VSNL1: variants seen among roughly 807,000 people sequenced by gnomAD.
The protein encoded by VSNL1 is visinin-like protein 1.
VSNL1 carries 6 observed loss-of-function variants against 20.4 expected under a neutral mutation model. That is an observed-to-expected ratio of 0.29 (90% CI 0.16 to 0.58). VSNL1 has a LOEUF of 0.58. Ranked by LOEUF, VSNL1 falls within the 20% of genes least tolerant of loss-of-function variation. The probability of loss-of-function intolerance (pLI) is 0.90; values close to 1 mark genes in which losing one functional copy is unlikely to be tolerated. For missense variants in VSNL1, 100 were observed against 234.5 expected (o/e 0.43, Z 3.75); for synonymous variants, 93 against 86.4 (o/e 1.08, Z -0.42).
intron 2 of VSNL1, among the ~76,000 whole-genome samples, chr2:17,617,305 G>A (rs1042735205): frequency 1.3e-5 from 2 of 152,102 alleles, no homozygotes; most frequent in Non-Finnish European, 2.9e-5. Context: ...GATCAGCCTG[G>A]CCAACTTGGA....
At chr2:17,637,374 C>T (rs924112473) in intron 2 of VSNL1, among the ~76,000 whole-genome samples, 1 of 152,232 alleles carries the variant, frequency 6.6e-6, no homozygotes, top group Non-Finnish European at 1.5e-5. Flanking sequence ...GCAGAGTCTC[C>T]TCAGCCCCAG....
chr2:17,615,958 A>G (rs1236130884), intron 2 of VSNL1, among the ~76,000 whole-genome samples: 1 of 152,242 alleles, frequency 6.6e-6, no homozygotes, highest in Non-Finnish European at 1.5e-5. Context: ...TAGTCCAATT[A>G]TCATCTATTT....
chr2:17,619,491 C>T (rs1177277352), intron 2 of VSNL1, among the ~76,000 whole-genome samples: 3 of 152,162 alleles, frequency 2.0e-5, no homozygotes, highest in South Asian at 2.1e-4. Context: ...AAATGCGAAA[C>T]TTCAGACTCA....
At chr2:17,616,792 G>C (rs957187245) in intron 2 of VSNL1, among the ~76,000 whole-genome samples, 1 of 152,220 alleles carries the variant, frequency 6.6e-6, no homozygotes, top group African/African-American at 2.4e-5. Context: ...GAGCTATACA[G>C]CCCCAGAAGA....
In VSNL1 at chr2:17,577,079, T is replaced by C. The variant is rs546538314; in HGVS notation, c.-5-14991T>C. 8.9e-4 allele frequency among the ~76,000 whole-genome samples: 135 copies of C among 152,344 alleles called. 1 individual carries two copies. Among genetic ancestry groups the C allele is most frequent in the African/African-American group, 3.1e-3 (129 of 41,572 alleles). Reference sequence around the variant, plus strand: ...TACAGCAGGTTACTGTACTGAGTACTGTAGGCAATTGTAACACAATAGTAT... The same window carrying C: ...TACAGCAGGTTACTGTACTGAGTACCGTAGGCAATTGTAACACAATAGTAT... On this transcript the variant is annotated intron_variant, in intron 1 of 3. Coordinates refer to ENST00000295156, the MANE Select transcript of VSNL1 (RefSeq NM_003385.5).
chr2:17,619,325 G>A (rs180840495), intron 2 of VSNL1, among the ~76,000 whole-genome samples: 2 of 152,262 alleles, frequency 1.3e-5, no homozygotes, highest in Admixed American at 1.3e-4. Context: ...TAGAGAGCGG[G>A]CAATCTTGGT....
intron 2 of VSNL1, among the ~76,000 whole-genome samples, chr2:17,596,127 T>C (rs932358463): frequency 1.3e-5 from 2 of 152,200 alleles, no homozygotes; most frequent in African/African-American, 4.8e-5. Flanking sequence ...ATGAATATAA[T>C]TCTTATTCCT....
chr2:17,541,558 TC>T (rs1663285253), intron 1 of VSNL1: 2 of 152,224 alleles, frequency 1.3e-5, no homozygotes, highest in African/African-American at 2.4e-5. Flanking sequence ...TACTGCACTG[TC>T]GATTTTGAAC....
chr2:17,638,597 G>A (rs979035746), intron 2 of VSNL1, among the ~76,000 whole-genome samples: 2 of 152,192 alleles, frequency 1.3e-5, no homozygotes, highest in African/African-American at 4.8e-5. Flanking sequence ...TACAGGACAC[G>A]ATTAGAAAGT....
intron 2 of VSNL1, among the ~76,000 whole-genome samples, chr2:17,620,979 T>C (rs1442546192): frequency 6.6e-6 from 1 of 152,216 alleles, no homozygotes; most frequent in African/African-American, 2.4e-5. Flanking sequence ...ATTTGTGTAA[T>C]CAAATGCTGA....
intron 2 of VSNL1, among the ~76,000 whole-genome samples, chr2:17,611,930 T>TG (rs1665099546): frequency 6.6e-6 from 1 of 152,268 alleles, no homozygotes; most frequent in Admixed American, 6.5e-5. Context: ...TTTTAGGGCC[T>TG]GTTCAGGGGA....
intron 2 of VSNL1, among the ~76,000 whole-genome samples, chr2:17,622,545 AAAGAAAGAAAGAAAGAAAGAAAG>A (rs1665396907): frequency 3.5e-4 from 23 of 64,960 alleles, no homozygotes; most frequent in Non-Finnish European, 6.4e-4. Flanking sequence ...AGAAAGAAAG[AAAGAAAGAAAGAAAGAAAGAAAG>A]AAAGAAAGAA....
chr2:17,643,984 C>G (rs921911824), intron 2 of VSNL1, among the ~76,000 whole-genome samples: 1 of 152,166 alleles, frequency 6.6e-6, no homozygotes, highest in African/African-American at 2.4e-5. Context: ...GAAACAGTCT[C>G]GTTCCTTCTT....
chr2:17,599,182 T>G (rs924226243), intron 2 of VSNL1, among the ~76,000 whole-genome samples: 5 of 152,038 alleles, frequency 3.3e-5, no homozygotes, highest in East Asian at 3.9e-4. Context: ...AATACATATA[T>G]GAACAGCTAT....
chr2:17,575,962 T>C (rs1385344397), intron 1 of VSNL1, among the ~76,000 whole-genome samples: 1 of 151,934 alleles, frequency 6.6e-6, no homozygotes, highest in Non-Finnish European at 1.5e-5. Flanking sequence ...AATATGCTTA[T>C]CATTCCATTA....
chr2:17,552,982 C>T (rs1663580312), intron 1 of VSNL1, among the ~76,000 whole-genome samples: 1 of 151,970 alleles, frequency 6.6e-6, no homozygotes, highest in African/African-American at 2.4e-5. Flanking sequence ...AACATAATGT[C>T]TTTGAAAGTG....
At chr2:17,590,009 C>T (rs11687009) in intron 1 of VSNL1, among the ~76,000 whole-genome samples, 24,261 of 152,152 alleles carry the variant, frequency 0.16, 2,601 homozygotes, top group Middle Eastern at 0.33. Flanking sequence ...ACATTGGAGT[C>T]CTATAGATCC....
intron 2 of VSNL1, among the ~76,000 whole-genome samples, chr2:17,592,501 C>T (rs1316391008): frequency 6.6e-6 from 1 of 152,156 alleles, no homozygotes; most frequent in East Asian, 1.9e-4. Context: ...GTGAAAGAAC[C>T]ATAAAAAGCT....
intron 2 of VSNL1, among the ~76,000 whole-genome samples, chr2:17,616,652 C>T (rs182048867): frequency 2.0e-5 from 3 of 152,348 alleles, no homozygotes; most frequent in East Asian, 1.9e-4. Context: ...TATGTCTCCA[C>T]TTCCTGTAGG....
Sources: allele counts gnomAD v4.1 joint callset (sites outside exome capture counted in the v4.1 genomes callset), GRCh38; gene constraint gnomAD v4.1.1; transcripts MANE v1.5; gene names NCBI Gene and HGNC (gene_info 2026-07-23, HGNC 2026-07-21).